Variants in SAP130 observed in about 807,000 individuals in gnomAD.
The protein encoded by SAP130 is histone deacetylase complex subunit SAP130.
Under a neutral mutation model 103.2 loss-of-function variants are expected in SAP130, and 16 were observed. That is an observed-to-expected ratio of 0.16 (90% CI 0.10 to 0.24). The LOEUF (loss-of-function observed/expected upper bound fraction) is 0.24, where lower values mean the gene tolerates loss of function less well. SAP130 is among the 10% of genes least tolerant of loss of function. The pLI is 1.00. For synonymous variants in SAP130, 477 were observed against 497.0 expected, an observed-to-expected ratio of 0.96 and a Z score of 0.53; for missense variants, 990 against 1,359.7, an observed-to-expected ratio of 0.73 and a Z score of 4.28.
chr2:127,943,620 T>C (rs1167527510), intron 19 of SAP130, among the ~76,000 whole-genome samples: 2 of 152,238 alleles, frequency 1.3e-5, no homozygotes, highest in Non-Finnish European at 2.9e-5. Flanking sequence ...TTTGTGTATC[T>C]AAACGTATCT....
At chr2:127,982,570 A>G (rs1682029805) in intron 14 of SAP130, among the ~76,000 whole-genome samples, 1 of 152,214 alleles carries the variant, frequency 6.6e-6, no homozygotes, top group Non-Finnish European at 1.5e-5. Flanking sequence ...AAGGAAACGT[A>G]AAATAGTTAT....
intron 14 of SAP130, among the ~76,000 whole-genome samples, chr2:127,981,575 C>T (rs1459960468): frequency 9.8e-6 from 1 of 101,588 alleles, no homozygotes; most frequent in Admixed American, 9.3e-5. Context: ...TCAGCTCCCC[C>T]ACCCCGACCC....
chr2:128,025,810 T>A (rs1685463209), intron 2 of SAP130, among the ~76,000 whole-genome samples: 1 of 152,198 alleles, frequency 6.6e-6, no homozygotes, highest in Non-Finnish European at 1.5e-5. Context: ...ATATCCTTTG[T>A]TTTCCACTTC....
At chr2:127,977,262 C>A (rs571553459) in intron 15 of SAP130, among the ~76,000 whole-genome samples, 1 of 147,552 alleles carries the variant, frequency 6.8e-6, no homozygotes, top group Admixed American at 7.0e-5. Flanking sequence ...GGCTGAGGCA[C>A]GTGGATCAAT....
At chr2:127,981,815 T>C (rs59894550) in intron 14 of SAP130, among the ~76,000 whole-genome samples, 73 of 77,938 alleles carry the variant, frequency 9.4e-4, no homozygotes, top group East Asian at 2.1e-3. Context: ...GACTCAGCTC[T>C]CCCACCCCGA....
intron 15 of SAP130, among the ~76,000 whole-genome samples, chr2:127,959,586 G>C (rs991354529): frequency 6.6e-6 from 1 of 152,166 alleles, no homozygotes; most frequent in African/African-American, 2.4e-5. Context: ...TTGAGAGGAG[G>C]CCTGCTAAAG....
At position 128,014,781 on chromosome 2, in the gene SAP130, A is replaced by G. The variant is rs756953368; in HGVS notation, c.619+22T>C. The G allele has an allele frequency of 1.9e-5, 30 of 1,542,054 alleles. No homozygotes were observed. The Admixed American group carries it at 5.0e-4, about 26-fold the overall frequency. ...TCTACTACTACATTTTGAGAGTTTG[A>G]ACAAAACTTGCAAGTCGTTACCTCG... On this transcript the variant is annotated intron_variant, in intron 5 of 20. Coordinates refer to ENST00000643581, the MANE Select transcript of SAP130 (RefSeq NM_001330301.2).
intron 1 of SAP130, chr2:128,027,293 C>CT: frequency 8.6e-7 from 1 of 1,161,914 alleles, no homozygotes; most frequent in South Asian, 4.4e-5. Flanking sequence ...TCGCAGTCCT[C>CT]TTCCCCCGAA....
In SAP130 at chr2:127,955,210, A is replaced by G; in HGVS notation, c.2198T>C (p.Ile733Thr). 1.2e-6 allele frequency: 2 copies of G among 1,614,024 alleles called. No individual in the cohort carries two copies. The highest frequency in any genetic ancestry group is 1.7e-5 in the Admixed American group (1 of 60,000). The change falls in exon 16 of 21, where the codon ATT (isoleucine) becomes ACT (threonine). Residue 733 changes from isoleucine (I) to threonine (T), a missense_variant. By Grantham distance (89) the Ile-to-Thr change is moderately conservative. This residue lies in a region of SAP130 where 349 missense variants were observed against 384.1 expected (regional missense o/e 0.91). Transcript: ENST00000643581. This position sits in a 1 kb window ranked among gnomAD's most constrained non-coding sequence, Gnocchi z 4.9. ...PPTAQQPPPT[I>T]PTMIAAASPP... The stretch of plus-strand genomic sequence containing the variant: ...ACTGGCTGCTGCAATCATAGTTGGA[A>G]TGGTCGGTGGGGGCTGCTGGGCAGT...
At chr2:127,961,023 G>T (rs1172181563) in intron 15 of SAP130, among the ~76,000 whole-genome samples, 24 of 147,924 alleles carry the variant, frequency 1.6e-4, no homozygotes, top group South Asian at 1.5e-3. Flanking sequence ...ACAGGGTCTG[G>T]CTGTCGCCCA....
At chr2:127,987,132 A>C (rs1682460189) in intron 13 of SAP130, among the ~76,000 whole-genome samples, 170 bp from the exon 14 acceptor site, 1 of 152,250 alleles carries the variant, frequency 6.6e-6, no homozygotes, top group South Asian at 2.1e-4. Context: ...AAGAGCAGAT[A>C]GCTAAATGGG....
chr2:128,003,495 G>C (rs928698062), intron 7 of SAP130, among the ~76,000 whole-genome samples: 4 of 148,520 alleles, frequency 2.7e-5, no homozygotes, highest in African/African-American at 4.9e-5. Flanking sequence ...GGGGTTCAAG[G>C]TCTCCTCCCA....
chr2:128,022,323 C>T (rs867118776), intron 2 of SAP130, among the ~76,000 whole-genome samples: 2 of 152,166 alleles, frequency 1.3e-5, no homozygotes, highest in Non-Finnish European at 2.9e-5. Context: ...TTCCACTGCA[C>T]GGATGGACAC....
intron 1 of SAP130, among the ~76,000 whole-genome samples, chr2:128,027,629 G>A (rs930007908): frequency 8.9e-5 from 4 of 44,956 alleles, no homozygotes; most frequent in South Asian, 7.9e-4. Context: ...CCGGCCGCCC[G>A]CCCGCCCGCC....
Position 127,941,735 on chromosome 2 carries a change from C to T in SAP130, c.*271G>A. ...CAGCCAGCCATCCTTGTCATTGCTT[C>T]CAACTGGTGGACACTGATGCATCCG... On this transcript the variant is annotated 3_prime_UTR_variant, in exon 21 of 21. Coordinates refer to ENST00000643581, the MANE Select transcript of SAP130 (RefSeq NM_001330301.2). 1 of 433,880 alleles carries T rather than the reference C, an allele frequency of 2.3e-6. No individual in the cohort carries two copies. Among genetic ancestry groups the T allele is most frequent in the Non-Finnish European group, 4.1e-6 (1 of 246,880 alleles). The allele number at this position is 433,880 out of a possible 1,614,324, so 26.9% of individuals were successfully genotyped here.
chr2:127,975,994 G>A (rs1466340824), intron 15 of SAP130, among the ~76,000 whole-genome samples: 5 of 152,074 alleles, frequency 3.3e-5, no homozygotes, highest in South Asian at 2.1e-4. Context: ...ACAGGCACCC[G>A]CCACCATGCC....
chr2:127,981,054 C>T (rs997404991), intron 14 of SAP130, among the ~76,000 whole-genome samples: 2 of 152,000 alleles, frequency 1.3e-5, no homozygotes, highest in Admixed American at 1.3e-4. Context: ...CTGTTAAGGT[C>T]ACCACGACCA....
intron 15 of SAP130, among the ~76,000 whole-genome samples, chr2:127,969,786 C>G (rs1248251345): frequency 6.6e-6 from 1 of 152,182 alleles, no homozygotes. Flanking sequence ...GTCCTAATTT[C>G]CCCTTTTTCT....
At chr2:128,027,551 A>C (rs988216943) in intron 1 of SAP130, among the ~76,000 whole-genome samples, 2 of 150,656 alleles carry the variant, frequency 1.3e-5, no homozygotes, top group African/African-American at 4.9e-5. Flanking sequence ...CAGGGTCTGA[A>C]AGCGGCGGGC....
Sources: gnomAD v4.1 joint callset for allele counts (sites outside exome capture counted in the v4.1 genomes callset) on GRCh38, gnomAD v4.1.1 for gene constraint, gnomAD v4.1.1 regional missense constraint, Gnocchi (gnomAD v3.1) non-coding constraint, MANE v1.5 for transcripts, NCBI Gene and HGNC (gene_info 2026-07-23, HGNC 2026-07-21) for gene names.